SAMMSON: variants seen among roughly 807,000 people sequenced by gnomAD.
SAMMSON encodes long intergenic non-protein coding RNA 1212.
chr3:70,327,010 C>T (rs1245298435), intron 7 of SAMMSON, among the ~76,000 whole-genome samples: 1 of 152,098 alleles, frequency 6.6e-6, no homozygotes, highest in Non-Finnish European at 1.5e-5. Flanking sequence ...AGGCATGTGC[C>T]ACCACACCTG....
intron 3 of SAMMSON, chr3:70,069,197 C>T (rs2067220983): frequency 6.6e-6 from 1 of 152,036 alleles, no homozygotes; most frequent in Middle Eastern, 3.2e-3. Context: ...TTTGGGGCAA[C>T]AAAAGCGCCA....
At chr3:70,025,235 A>C (rs1158490837) in intron 3 of SAMMSON, 1 of 152,020 alleles carries the variant, frequency 6.6e-6, no homozygotes, top group African/African-American at 2.4e-5. Flanking sequence ...TTTATGTTTT[A>C]TTTTATTTTT....
At chr3:70,021,889 T>C (rs1219434975) in intron 3 of SAMMSON, among the ~76,000 whole-genome samples, 1 of 152,142 alleles carries the variant, frequency 6.6e-6, no homozygotes, top group Non-Finnish European at 1.5e-5. Flanking sequence ...GGCCATTTCT[T>C]TTTTAATAAT....
At chr3:70,125,716 T>A (rs2067455101) in intron 4 of SAMMSON, 1 of 683,014 alleles carries the variant, frequency 1.5e-6, no homozygotes, top group Non-Finnish European at 2.6e-6. Flanking sequence ...CAGCACTAGA[T>A]GTAAACTGTT....
intron 3 of SAMMSON, among the ~76,000 whole-genome samples, chr3:70,051,123 A>G (rs1432354446): frequency 8.8e-6 from 1 of 114,126 alleles, no homozygotes; most frequent in Non-Finnish European, 1.7e-5. Flanking sequence ...CCACAGAGTG[A>G]TACTCCATCT....
intron 4 of SAMMSON, among the ~76,000 whole-genome samples, chr3:70,217,172 G>A (rs1576158829): frequency 6.6e-6 from 1 of 152,194 alleles, no homozygotes; most frequent in African/African-American, 2.4e-5. Flanking sequence ...TCCTAAAAGA[G>A]GACCTGGGAG....
chr3:70,371,085 G>A (rs917126594), intron 9 of SAMMSON, among the ~76,000 whole-genome samples: 1 of 151,990 alleles, frequency 6.6e-6, no homozygotes, highest in African/African-American at 2.4e-5. Context: ...TTTCCCCAAT[G>A]TAAGTCCTTG....
intron 4 of SAMMSON, among the ~76,000 whole-genome samples, chr3:70,200,242 C>T (rs1363419522): frequency 1.3e-5 from 2 of 152,178 alleles, no homozygotes; most frequent in African/African-American, 4.8e-5. Context: ...CATGAGCCCG[C>T]TTCAAATTCA....
chr3:70,091,968 GT>G (rs1041981107), intron 4 of SAMMSON, among the ~76,000 whole-genome samples: 4 of 151,848 alleles, frequency 2.6e-5, no homozygotes, highest in Admixed American at 6.6e-5. Flanking sequence ...AAATTAAGGG[GT>G]TTTTTTTGTT....
At chr3:70,199,713 G>A (rs138762282) in intron 4 of SAMMSON, among the ~76,000 whole-genome samples, 12 of 152,282 alleles carry the variant, frequency 7.9e-5, no homozygotes, top group African/African-American at 2.4e-4. Context: ...TGAAAAGAGC[G>A]TTGGATTTCC....
intron 3 of SAMMSON, among the ~76,000 whole-genome samples, chr3:70,032,181 T>G (rs1483955363): frequency 6.6e-6 from 1 of 152,188 alleles, no homozygotes; most frequent in Non-Finnish European, 1.5e-5. Flanking sequence ...ATCAGCCAAT[T>G]AACATTTCTA....
rs1031612145 is a variant in SAMMSON at position 70,256,625 on chromosome 3, A to G, written n.674+6955A>G. Among the ~76,000 whole-genome samples, 2 of 152,154 alleles carry G rather than the reference A, an allele frequency of 1.3e-5. 1 individual carries two copies. The highest frequency in any genetic ancestry group is 1.3e-4 in the Admixed American group (2 of 15,274). On this transcript the variant is annotated intron_variant and non_coding_transcript_variant, in intron 6 of 9. Coordinates refer to ENST00000642114, the Ensembl canonical transcript of SAMMSON. ...TAAATAATGGGAAAGTAAAGTAAAT[A>G]ATGGGAAAGGAAATCCTCAAGCCAT...
At chr3:70,335,212 A>C (rs4246676) in intron 7 of SAMMSON, among the ~76,000 whole-genome samples, 113,857 of 151,910 alleles carry the variant, frequency 0.75, 42,972 homozygotes, top group Middle Eastern at 0.79. Flanking sequence ...TCATCTCCAA[A>C]CGCATTGCAA....
At chr3:70,259,087 C>T (rs1441360776) in intron 6 of SAMMSON, among the ~76,000 whole-genome samples, 4 of 152,108 alleles carry the variant, frequency 2.6e-5, no homozygotes, top group Admixed American at 6.6e-5. Context: ...TGAAATTATA[C>T]GGTACCTCCT....
intron 4 of SAMMSON, among the ~76,000 whole-genome samples, chr3:70,105,082 G>T (rs1215750665): frequency 1.3e-5 from 2 of 152,060 alleles, no homozygotes. Context: ...CTTACTCAGG[G>T]AGAGATTTTT....
intron 4 of SAMMSON, among the ~76,000 whole-genome samples, chr3:70,151,346 C>A (rs1010321211): frequency 1.3e-5 from 2 of 151,974 alleles, no homozygotes; most frequent in Admixed American, 6.6e-5. Flanking sequence ...CTCCATGAGG[C>A]TGGTTCTGGG....
At chr3:70,316,261 G>C (rs1374179791) in intron 7 of SAMMSON, among the ~76,000 whole-genome samples, 3 of 152,070 alleles carry the variant, frequency 2.0e-5, no homozygotes, top group Non-Finnish European at 1.5e-5. Flanking sequence ...CAAATAATCA[G>C]TTGCTATCAC....
At chr3:69,999,661 T>C (rs1322121247), upstream of SAMMSON, 1 of 152,284 alleles carries the variant, frequency 6.6e-6, no homozygotes, top group Non-Finnish European at 1.5e-5. Context: ...AAATGTTGTA[T>C]TTTCCAAGCC....
chr3:70,309,639 C>CT (rs1329027592), intron 7 of SAMMSON, among the ~76,000 whole-genome samples: 1 of 152,024 alleles, frequency 6.6e-6, no homozygotes, highest in Non-Finnish European at 1.5e-5. Context: ...ACCACTTTGA[C>CT]TTTTTTAAAT....
Sources: gnomAD v4.1 joint callset for allele counts (sites outside exome capture counted in the v4.1 genomes callset) on GRCh38, gnomAD v4.1.1 for gene constraint, MANE v1.5 for transcripts, NCBI Gene and HGNC (gene_info 2026-07-23, HGNC 2026-07-21) for gene names.